The following SLC30A6 variants were observed in gnomAD, a reference collection of about 807,000 sequenced individuals.
SLC30A6 encodes zinc transporter 6.
In SLC30A6, 55 loss-of-function variants were observed where a neutral mutation model predicts 63.0. That is an observed-to-expected ratio of 0.87 (90% CI 0.70 to 1.09). The LOEUF (loss-of-function observed/expected upper bound fraction) is 1.09. Among genes scored for constraint, SLC30A6 ranks in the 50% least tolerant of loss-of-function variants. SLC30A6 has a pLI of 0.00. For missense variants in SLC30A6, 587 were observed against 549.2 expected, an observed-to-expected ratio of 1.07 and a Z score of -0.69; for synonymous variants, 224 against 186.1, an observed-to-expected ratio of 1.20 and a Z score of -1.66.
At chr2:32,205,660 TTC>T (rs200750510) in intron 11 of SLC30A6, among the ~76,000 whole-genome samples, 1,129 of 103,676 alleles carry the variant, frequency 0.011, 25 homozygotes, top group South Asian at 0.048. Flanking sequence ...AGAATGTTAC[TTC>T]TTTTTTTTTT....
intron 13 of SLC30A6, among the ~76,000 whole-genome samples, chr2:32,209,950 T>C (rs1189804986): frequency 6.6e-6 from 1 of 152,178 alleles, no homozygotes; most frequent in African/African-American, 2.4e-5. Context: ...AAAAGTGCAA[T>C]TGCTTTCTTT....
intron 1 of SLC30A6, among the ~76,000 whole-genome samples, chr2:32,168,277 C>T (rs1680865269): frequency 6.6e-6 from 1 of 151,704 alleles, no homozygotes; most frequent in African/African-American, 2.4e-5. Context: ...TATCTTTATG[C>T]TTGAAACATC....
intron 7 of SLC30A6, 58 bp downstream of exon 7, chr2:32,193,011 A>G: frequency 1.8e-6 from 2 of 1,107,430 alleles, no homozygotes; most frequent in Non-Finnish European, 2.6e-6. Flanking sequence ...TAATTGATGT[A>G]TTATTAAACA....
rs34589397 is a variant in SLC30A6 at position 32,181,933 on chromosome 2, C to CTT, written c.219-2322_219-2321dup. On this transcript the variant is annotated intron_variant, in intron 4 of 13. Transcript: ENST00000282587. ...CAATTGTATATTTCGTTTTTCTTTT[C>CTT]TTTTTTTTTTTTTTTTTTTGAGACA... Among the ~76,000 whole-genome samples the CTT allele has an allele frequency of 7.8e-3, 955 of 122,896 alleles. 16 individuals carry two copies. Among genetic ancestry groups the CTT allele is most frequent in the African/African-American group, 0.025 (819 of 32,750 alleles). 80.6% of individuals were successfully genotyped at this position (122,896 alleles called of 152,430 possible).
chr2:32,212,001 C>G (rs1685298415), intron 13 of SLC30A6, among the ~76,000 whole-genome samples: 1 of 152,100 alleles, frequency 6.6e-6, no homozygotes, highest in African/African-American at 2.4e-5. Context: ...TTGTTCTATT[C>G]TCTTTCTTTG....
At chr2:32,174,749 T>G (rs1426072249) in intron 3 of SLC30A6, among the ~76,000 whole-genome samples, 2 of 150,844 alleles carry the variant, frequency 1.3e-5, no homozygotes, top group Non-Finnish European at 3.0e-5. Flanking sequence ...AGATGGGGTT[T>G]CACCATGTTG....
chr2:32,183,758 T>C (rs560163035), intron 4 of SLC30A6, among the ~76,000 whole-genome samples: 57 of 151,892 alleles, frequency 3.8e-4, no homozygotes, highest in African/African-American at 1.3e-3. Flanking sequence ...CTAACGCAGA[T>C]AGTTGTTACC....
chr2:32,214,835 T>A (rs1406051170), intron 13 of SLC30A6, among the ~76,000 whole-genome samples: 6 of 152,264 alleles, frequency 3.9e-5, no homozygotes, highest in Non-Finnish European at 8.8e-5. Flanking sequence ...CATATCAGAC[T>A]GAAAGAGGAT....
In SLC30A6 at chr2:32,224,196, T is replaced by G; in HGVS notation, c.*3483T>G. 3.5e-6 allele frequency: 1 copy of G among 289,340 alleles called. No individual in the cohort carries two copies. Among genetic ancestry groups the G allele is most frequent in the Non-Finnish European group, 6.4e-6 (1 of 156,402 alleles). The allele number at this position is 289,340 out of a possible 1,614,324, so 17.9% of individuals were successfully genotyped here. A position where few individuals can be genotyped will look rare whatever the true frequency, so the allele number is the denominator to read the frequency against. On this transcript the variant is annotated 3_prime_UTR_variant, in exon 14 of 14. Transcript: ENST00000282587. Reference sequence around the variant, plus strand: ...ATTGAGAATATTGTTGAGAATCTCTTACATGCCAGGCACTATACTAAGTTA... The same window carrying G: ...ATTGAGAATATTGTTGAGAATCTCTGACATGCCAGGCACTATACTAAGTTA...
chr2:32,217,229 T>G (rs1310517947), intron 13 of SLC30A6, among the ~76,000 whole-genome samples: 3 of 152,196 alleles, frequency 2.0e-5, no homozygotes, highest in African/African-American at 7.2e-5. Context: ...TTAATCCATC[T>G]TGAGTTAATC....
chr2:32,216,531 C>G (rs1685717775), intron 13 of SLC30A6, among the ~76,000 whole-genome samples: 1 of 124,260 alleles, frequency 8.0e-6, no homozygotes, highest in South Asian at 2.8e-4. Flanking sequence ...GCAAGACTCT[C>G]TCAAAATAAA....
intron 2 of SLC30A6, 80 bp downstream of exon 2, chr2:32,171,453 A>T (rs1039874196): frequency 5.4e-6 from 6 of 1,119,592 alleles, no homozygotes; most frequent in Admixed American, 1.8e-5. Context: ...TTTAAGGCCA[A>T]TAGAAATCAC....
chr2:32,166,066 C>T (rs1419191664), intron 1 of SLC30A6, among the ~76,000 whole-genome samples, 163 bp downstream of exon 1: 8 of 152,250 alleles, frequency 5.3e-5, no homozygotes, highest in Admixed American at 5.2e-4. Context: ...TGTTCCCCTT[C>T]AGAGTTCTGG....
At chr2:32,215,817 G>C (rs1219359423) in intron 13 of SLC30A6, among the ~76,000 whole-genome samples, 2 of 151,934 alleles carry the variant, frequency 1.3e-5, no homozygotes, top group Non-Finnish European at 2.9e-5. Context: ...CAGTCTTCCT[G>C]CCTCAGCCTT....
At chr2:32,196,019 T>A (rs111675683) in intron 8 of SLC30A6, among the ~76,000 whole-genome samples, 86 of 150,806 alleles carry the variant, frequency 5.7e-4, no homozygotes, top group African/African-American at 2.0e-3. Context: ...ACTCTGGCTT[T>A]AAAAAAAAAT....
At chr2:32,177,779 C>T (rs746095829) in intron 4 of SLC30A6, among the ~76,000 whole-genome samples, 16 of 151,718 alleles carry the variant, frequency 1.1e-4, no homozygotes, top group Non-Finnish European at 1.9e-4. Flanking sequence ...CAGGCATGAG[C>T]CACCATGCCC....
chr2:32,224,301 A>T lies in SLC30A6; in HGVS notation c.*3588A>T. On this transcript the variant is annotated 3_prime_UTR_variant, in exon 14 of 14. Coordinates refer to ENST00000282587, the MANE Select transcript of SLC30A6 (RefSeq NM_017964.5). ...GAATGAGAATTCCTTCAAGGCGCCG[A>T]TAATCCTAGTAGGAGAGCTAAGACA... 1.8e-6 allele frequency: 1 copy of T among 542,584 alleles called. No individual in the cohort carries two copies. The highest frequency in any genetic ancestry group is 3.2e-6 in the Non-Finnish European group (1 of 312,892). 33.6% of individuals were successfully genotyped at this position (542,584 alleles called of 1,614,324 possible).
intron 4 of SLC30A6, among the ~76,000 whole-genome samples, chr2:32,175,678 CAT>C (rs1273333980): frequency 1.4e-4 from 22 of 152,082 alleles, no homozygotes; most frequent in African/African-American, 5.3e-4. Context: ...TAATTAGAGA[CAT>C]AACAGTAATT....
chr2:32,215,205 C>CT (rs1047255015), intron 13 of SLC30A6, among the ~76,000 whole-genome samples: 7 of 151,962 alleles, frequency 4.6e-5, no homozygotes, highest in East Asian at 3.9e-4. Flanking sequence ...TATTTACTCT[C>CT]TTTTTTTGAG....
Sources: allele counts gnomAD v4.1 joint callset (sites outside exome capture counted in the v4.1 genomes callset), GRCh38; gene constraint gnomAD v4.1.1; transcripts MANE v1.5; gene names NCBI Gene and HGNC (gene_info 2026-07-23, HGNC 2026-07-21).